The following SLC24A3 variants were observed in gnomAD, a reference collection of about 807,000 sequenced individuals.
SLC24A3 encodes the protein sodium/potassium/calcium exchanger 3.
A neutral mutation model predicts 75.8 loss-of-function variants in SLC24A3; 28 were observed. That is an observed-to-expected ratio of 0.37 (90% CI 0.27 to 0.51). The LOEUF is 0.51. SLC24A3 is among the 20% of genes least tolerant of loss of function. SLC24A3 has a pLI of 0.94. For synonymous variants in SLC24A3, 372 were observed against 334.1 expected (o/e 1.11, Z -1.24); for missense variants, 663 against 847.8 (o/e 0.78, Z 2.71).
intron 2 of SLC24A3, among the ~76,000 whole-genome samples, chr20:19,477,256 T>A (rs1987976540): frequency 6.6e-6 from 1 of 152,122 alleles, no homozygotes; most frequent in Non-Finnish European, 1.5e-5. Flanking sequence ...GGCCTCCAAA[T>A]TTGGAAACTG....
chr20:19,250,852 C>A (rs1415895012), intron 1 of SLC24A3, among the ~76,000 whole-genome samples: 1 of 152,086 alleles, frequency 6.6e-6, no homozygotes, highest in East Asian at 1.9e-4. Context: ...TCATAATGGC[C>A]TTATAGGATG....
intron 2 of SLC24A3, among the ~76,000 whole-genome samples, chr20:19,330,175 G>C (rs1183692234): frequency 6.6e-6 from 1 of 152,210 alleles, no homozygotes; most frequent in Admixed American, 6.5e-5. Context: ...ATGCGGTGCT[G>C]TTGTCTCCTG....
At chr20:19,646,990 A>G (rs578078879) in intron 6 of SLC24A3, among the ~76,000 whole-genome samples, 3 of 152,064 alleles carry the variant, frequency 2.0e-5, no homozygotes, top group Non-Finnish European at 4.4e-5. Context: ...CTGACTGCCA[A>G]CAGCCAAAAC....
chr20:19,237,496 T>C (rs912796189), intron 1 of SLC24A3, among the ~76,000 whole-genome samples: 1 of 152,192 alleles, frequency 6.6e-6, no homozygotes, highest in Non-Finnish European at 1.5e-5. Flanking sequence ...GTTCCCGTCA[T>C]GTGCTAGCTC....
intron 2 of SLC24A3, among the ~76,000 whole-genome samples, chr20:19,507,630 C>T (rs757588754): frequency 1.3e-5 from 2 of 152,174 alleles, no homozygotes; most frequent in Non-Finnish European, 2.9e-5. Context: ...CATCATTTTG[C>T]TCACATTTCA....
At chr20:19,639,882 C>T (rs1453187098) in intron 6 of SLC24A3, among the ~76,000 whole-genome samples, 2 of 152,268 alleles carry the variant, frequency 1.3e-5, no homozygotes, top group Non-Finnish European at 2.9e-5. Context: ...AGGTGCTAAG[C>T]CCCTCATTAC....
At chr20:19,661,630 T>C (rs1255575571) in intron 7 of SLC24A3, among the ~76,000 whole-genome samples, 1 of 152,254 alleles carries the variant, frequency 6.6e-6, no homozygotes, top group African/African-American at 2.4e-5. Flanking sequence ...TTTTCACTGC[T>C]TAAAATTCTC....
chr20:19,542,548 G>A (rs1029813173), intron 3 of SLC24A3, among the ~76,000 whole-genome samples: 4 of 152,172 alleles, frequency 2.6e-5, no homozygotes, highest in Admixed American at 6.5e-5. Context: ...TAGAATCTGC[G>A]TCTGGGGGCT....
At chr20:19,519,795 G>T (rs2030067677) in intron 3 of SLC24A3, among the ~76,000 whole-genome samples, 1 of 152,142 alleles carries the variant, frequency 6.6e-6, no homozygotes, top group African/African-American at 2.4e-5. Flanking sequence ...GTGAAATTTT[G>T]CTCATTATCC....
chr20:19,404,256 C>T lies in SLC24A3; in HGVS notation c.272-111232C>T, dbSNP rs368565181. On this transcript the variant is annotated intron_variant, in intron 2 of 16. Transcript: ENST00000328041. ...TCGGTTAACAAAACAGACCATGGCA[C>T]CTGGTGGAGCTAAATTTTTGTGAGC... Among the ~76,000 whole-genome samples, 221 of 152,250 alleles carry T rather than the reference C, an allele frequency of 1.5e-3. 1 individual carries two copies. In the South Asian group the frequency reaches 0.021, roughly 14 times the overall value.
At chr20:19,409,861 A>G (rs1986713704) in intron 2 of SLC24A3, among the ~76,000 whole-genome samples, 1 of 151,592 alleles carries the variant, frequency 6.6e-6, no homozygotes, top group South Asian at 2.1e-4. Flanking sequence ...ATATATATAT[A>G]TATATGTATT....
intron 2 of SLC24A3, among the ~76,000 whole-genome samples, chr20:19,442,487 A>C (rs186215352): frequency 2.6e-5 from 4 of 152,214 alleles, no homozygotes; most frequent in African/African-American, 9.6e-5. Context: ...TCGTATGCTC[A>C]TTTGTCATCT....
chr20:19,513,802 A>G (rs1456412125), intron 2 of SLC24A3, among the ~76,000 whole-genome samples: 1 of 151,904 alleles, frequency 6.6e-6, no homozygotes, highest in Non-Finnish European at 1.5e-5. Flanking sequence ...CTTAAGGTAT[A>G]CAACTTGATC....
At position 19,567,944 on chromosome 20, in the gene SLC24A3, CAA is replaced by C. The variant is rs565066697; in HGVS notation, c.349-12054_349-12053del. 7.2e-5 allele frequency among the ~76,000 whole-genome samples: 11 copies of C among 152,192 alleles called. No homozygotes were observed. The East Asian group carries it at 2.1e-3, about 29-fold the overall frequency. ...CCCTTACAAGCCAACAACCAAAAAA[CAA>C]ACAGCTTGATTTCAAAATGGGCGAA... On this transcript the variant is annotated intron_variant, in intron 3 of 16. Transcript: ENST00000328041.
chr20:19,482,934 T>C (rs1376944746), intron 2 of SLC24A3, among the ~76,000 whole-genome samples: 3 of 152,194 alleles, frequency 2.0e-5, no homozygotes, highest in African/African-American at 7.2e-5. Flanking sequence ...GCTTAGCAGA[T>C]GGGAAGGTGG....
chr20:19,512,293 C>T (rs761281311), intron 2 of SLC24A3, among the ~76,000 whole-genome samples: 40 of 152,182 alleles, frequency 2.6e-4, no homozygotes, highest in Non-Finnish European at 5.0e-4. Flanking sequence ...AGGACCCTGA[C>T]GAAGCTCCTG....
chr20:19,461,755 A>G (rs1291529048), intron 2 of SLC24A3, among the ~76,000 whole-genome samples: 3 of 151,150 alleles, frequency 2.0e-5, no homozygotes, highest in Non-Finnish European at 4.4e-5. Context: ...CTGGTCTCGA[A>G]CTCCTGACCT....
intron 3 of SLC24A3, among the ~76,000 whole-genome samples, chr20:19,560,148 G>A (rs1407753233): frequency 2.6e-5 from 4 of 152,108 alleles, no homozygotes; most frequent in African/African-American, 9.7e-5. Flanking sequence ...CAAAAGTGAG[G>A]GAGTGAGAGA....
chr20:19,347,468 C>G (rs995002360), intron 2 of SLC24A3, among the ~76,000 whole-genome samples: 11 of 152,110 alleles, frequency 7.2e-5, no homozygotes, highest in Non-Finnish European at 1.6e-4. Flanking sequence ...AACTGGTTAT[C>G]GGGGGAGCAT....
Sources: allele counts gnomAD v4.1 joint callset (sites outside exome capture counted in the v4.1 genomes callset), GRCh38; gene constraint gnomAD v4.1.1; transcripts MANE v1.5; gene names NCBI Gene and HGNC (gene_info 2026-07-23, HGNC 2026-07-21).